The following INPP4B variants were observed in gnomAD, a reference collection of about 807,000 sequenced individuals.
The protein encoded by INPP4B is inositol polyphosphate 4-phosphatase type II.
A neutral mutation model predicts 122.5 loss-of-function variants in INPP4B; 55 were observed. The observed-to-expected ratio is 0.45, with a 90% CI of 0.36 to 0.56. The LOEUF (loss-of-function observed/expected upper bound fraction) is 0.56, where lower values mean the gene tolerates loss of function less well. Among genes scored for constraint, INPP4B ranks in the 20% least tolerant of loss-of-function variants. INPP4B has a pLI of 0.00. For missense variants in INPP4B, 1,000 were observed against 1,097.7 expected, an observed-to-expected ratio of 0.91 and a Z score of 1.26; for synonymous variants, 403 against 388.7, an observed-to-expected ratio of 1.04 and a Z score of -0.43.
chr4:142,761,525 C>A (rs2150974804), intron 1 of INPP4B, among the ~76,000 whole-genome samples: 1 of 152,130 alleles, frequency 6.6e-6, no homozygotes, highest in East Asian at 1.9e-4. Context: ...CATATTTTTT[C>A]TACTAAATTT....
At chr4:142,259,629 T>A (rs942506810) in intron 11 of INPP4B, among the ~76,000 whole-genome samples, 1 of 151,674 alleles carries the variant, frequency 6.6e-6, no homozygotes, top group African/African-American at 2.4e-5. Flanking sequence ...AGGATTACTA[T>A]AACTTTTTTA....
chr4:142,734,300 C>T (rs543526822), intron 1 of INPP4B, among the ~76,000 whole-genome samples: 28 of 152,174 alleles, frequency 1.8e-4, no homozygotes, highest in African/African-American at 6.7e-4. Flanking sequence ...CTTTTAGCCT[C>T]CAGAACTGTG....
chr4:142,733,726 C>T (rs953149658), intron 1 of INPP4B, among the ~76,000 whole-genome samples: 2 of 152,118 alleles, frequency 1.3e-5, no homozygotes, highest in Non-Finnish European at 2.9e-5. Flanking sequence ...AGTATCTCTC[C>T]TTTGATAGTG....
At chr4:142,839,899 T>A (rs1357258298) in intron 1 of INPP4B, among the ~76,000 whole-genome samples, 2 of 152,238 alleles carry the variant, frequency 1.3e-5, no homozygotes, top group East Asian at 3.8e-4. Flanking sequence ...ATTCTTACAA[T>A]AGCCACATCC....
chr4:142,081,841 T>C (rs1486319019), intron 25 of INPP4B, among the ~76,000 whole-genome samples, 190 bp downstream of exon 25: 1 of 151,254 alleles, frequency 6.6e-6, no homozygotes, highest in South Asian at 2.1e-4. Context: ...AGGGGAAATA[T>C]AGATAGAGAT....
At chr4:142,513,702 T>C (rs558377406) in intron 2 of INPP4B, among the ~76,000 whole-genome samples, 15 of 152,292 alleles carry the variant, frequency 9.8e-5, no homozygotes, top group African/African-American at 3.6e-4. Context: ...CCACTGCACC[T>C]GGCCTGGGGG....
chr4:142,418,955 G>C (rs1290574791), intron 5 of INPP4B, among the ~76,000 whole-genome samples: 1 of 152,172 alleles, frequency 6.6e-6, no homozygotes, highest in Non-Finnish European at 1.5e-5. Context: ...TTGAAGGACA[G>C]TGGTGGGGAT....
chr4:142,327,632 C>G (rs1298217658), intron 7 of INPP4B, among the ~76,000 whole-genome samples: 1 of 152,136 alleles, frequency 6.6e-6, no homozygotes, highest in African/African-American at 2.4e-5. Flanking sequence ...TCAACATGGG[C>G]TGCACTTTAG....
At chr4:142,832,784 A>C (rs1315472220) in intron 1 of INPP4B, among the ~76,000 whole-genome samples, 1 of 150,810 alleles carries the variant, frequency 6.6e-6, no homozygotes, top group Non-Finnish European at 1.5e-5. Flanking sequence ...CTTATACCTA[A>C]TCCATTTCAC....
chr4:142,338,863 G>A (rs1267845359), intron 7 of INPP4B, among the ~76,000 whole-genome samples: 2 of 152,016 alleles, frequency 1.3e-5, no homozygotes, highest in South Asian at 2.1e-4. Context: ...ACTGGAGCAC[G>A]GGCTCTGTGA....
At chr4:142,636,389 A>G (rs893676224) in intron 2 of INPP4B, among the ~76,000 whole-genome samples, 1 of 152,178 alleles carries the variant, frequency 6.6e-6, no homozygotes, top group Non-Finnish European at 1.5e-5. Context: ...ATGAAGAAAT[A>G]AAAAATTTTG....
intron 2 of INPP4B, among the ~76,000 whole-genome samples, chr4:142,577,187 A>C (rs1580409989): frequency 6.6e-6 from 1 of 152,092 alleles, no homozygotes; most frequent in South Asian, 2.1e-4. Context: ...TTTAATCTGC[A>C]TGATCAACAT....
intron 2 of INPP4B, among the ~76,000 whole-genome samples, chr4:142,580,578 C>T (rs887370614): frequency 1.3e-5 from 2 of 151,944 alleles, no homozygotes; most frequent in Non-Finnish European, 2.9e-5. Flanking sequence ...AAAATGAACC[C>T]AACACAGGTT....
At chr4:142,792,327 A>G (rs555610588) in intron 1 of INPP4B, among the ~76,000 whole-genome samples, 1 of 152,084 alleles carries the variant, frequency 6.6e-6, no homozygotes, top group Non-Finnish European at 1.5e-5. Context: ...GAAAATGTAA[A>G]AGAGAAAAAA....
At chr4:142,464,244 G>T (rs1383295238) in intron 2 of INPP4B, among the ~76,000 whole-genome samples, 2 of 151,932 alleles carry the variant, frequency 1.3e-5, no homozygotes, top group Non-Finnish European at 2.9e-5. Context: ...TTATTATCAG[G>T]AATAGTTTTC....
At chr4:142,188,512 A>T (rs1471897635) in intron 15 of INPP4B, among the ~76,000 whole-genome samples, 3,075 of 32,240 alleles carry the variant, frequency 0.095, 175 homozygotes, top group African/African-American at 0.18. Context: ...AAAAAAAAAG[A>T]AAAAAAATAT....
chr4:142,054,463 G>T (rs1183245064), intron 25 of INPP4B, among the ~76,000 whole-genome samples: 1 of 152,016 alleles, frequency 6.6e-6, no homozygotes, highest in Non-Finnish European at 1.5e-5. Context: ...CTTAGAAAAA[G>T]ATGCTTCATG....
rs150591857 is a variant in INPP4B, at chr4:142,103,031, C to A, written c.2374+5062G>T. On this transcript the variant is annotated intron_variant, in intron 23 of 25. Coordinates refer to ENST00000262992, the MANE Select transcript of INPP4B (RefSeq NM_001101669.3). ...GGGAGTAGCTTTCACCACTCTGTTT[C>A]TCTGATTATACAACATGCATTCTCT... Among the ~76,000 whole-genome samples, 66 of 152,236 alleles carry A rather than the reference C, an allele frequency of 4.3e-4. 2 individuals carry two copies. The highest frequency in any genetic ancestry group is 1.5e-3 in the African/African-American group (61 of 41,556).
chr4:142,635,517 C>T (rs975874926), intron 2 of INPP4B, among the ~76,000 whole-genome samples: 1 of 152,114 alleles, frequency 6.6e-6, no homozygotes, highest in Admixed American at 6.6e-5. Context: ...CCATGGAATA[C>T]CATGCAGCCA....
Sources: gnomAD v4.1 joint callset for allele counts (sites outside exome capture counted in the v4.1 genomes callset) on GRCh38, gnomAD v4.1.1 for gene constraint, MANE v1.5 for transcripts, NCBI Gene and HGNC (gene_info 2026-07-23, HGNC 2026-07-21) for gene names.